Variants in LOC400499 observed in about 807,000 individuals in gnomAD.
chr16:11,396,464 C>T, the LOC400499 span: 3 of 1,231,388 alleles, frequency 2.4e-6, no homozygotes, highest in Non-Finnish European at 1.0e-6. Flanking sequence ...CGCAGGGATG[C>T]CGGGATATCT....
At chr16:11,373,386 C>T in the LOC400499 span, among the ~76,000 whole-genome samples, 1 of 152,216 alleles carries the variant, frequency 6.6e-6, no homozygotes, top group Non-Finnish European at 1.5e-5. Flanking sequence ...GCGCTATCAC[C>T]CAGGCTGGAG....
At chr16:11,378,985 C>T in the LOC400499 span, among the ~76,000 whole-genome samples, 3,225 of 152,180 alleles carry the variant, frequency 0.021, 56 homozygotes, top group Middle Eastern at 0.12. Flanking sequence ...GGTATTGGGC[C>T]GGGTGCAGTG....
chr16:11,446,658 A>G, the LOC400499 span: 2 of 1,535,400 alleles, frequency 1.3e-6, no homozygotes, highest in Admixed American at 3.9e-5. Flanking sequence ...AACCACATAC[A>G]TGTACACACG....
the LOC400499 span, among the ~76,000 whole-genome samples, chr16:11,410,344 C>T: frequency 6.6e-6 from 1 of 152,186 alleles, no homozygotes; most frequent in South Asian, 2.1e-4. Flanking sequence ...ATTCCAGCTA[C>T]TCAGGAGGCT....
chr16:11,489,772 T>G, the LOC400499 span, among the ~76,000 whole-genome samples: 326 of 152,094 alleles, frequency 2.1e-3, 3 homozygotes, highest in African/African-American at 7.7e-3. Flanking sequence ...GGCAGAGAGG[T>G]GTATCTTCCA....
the LOC400499 span, among the ~76,000 whole-genome samples, chr16:11,394,889 CTG>C: frequency 2.0e-5 from 3 of 152,196 alleles, no homozygotes; most frequent in Non-Finnish European, 4.4e-5. Flanking sequence ...GCCTCTAGAA[CTG>C]TGACACCATA....
the LOC400499 span, among the ~76,000 whole-genome samples, chr16:11,512,782 C>A: frequency 1.3e-5 from 2 of 152,258 alleles, no homozygotes; most frequent in African/African-American, 4.8e-5. Context: ...CTCAGTGGGA[C>A]ACCACTGGGT....
chr16:11,508,425 G>C, the LOC400499 span, among the ~76,000 whole-genome samples: 1 of 152,242 alleles, frequency 6.6e-6, no homozygotes, highest in African/African-American at 2.4e-5. Flanking sequence ...TGGGAGATTA[G>C]ACTGTGAGTC....
At chr16:11,466,921 TTGTGTGTG>T in the LOC400499 span, among the ~76,000 whole-genome samples, 842 of 151,204 alleles carry the variant, frequency 5.6e-3, 8 homozygotes, top group African/African-American at 0.02. Context: ...TATATGTGTA[TTGTGTGTG>T]TGTGTGTGTA....
At chr16:11,447,864 C>T in the LOC400499 span, 1 of 1,468,806 alleles carries the variant, frequency 6.8e-7, no homozygotes, top group South Asian at 1.4e-5. Flanking sequence ...CCTGTTCCCC[C>T]TGGGGATGCT....
the LOC400499 span, among the ~76,000 whole-genome samples, chr16:11,414,958 G>C: frequency 6.6e-6 from 1 of 152,180 alleles, no homozygotes; most frequent in African/African-American, 2.4e-5. Context: ...CCTGGGGTCG[G>C]GATTTCCCTT....
At chr16:11,485,103 G>A in the LOC400499 span, 2 of 398,946 alleles carry the variant, frequency 5.0e-6, no homozygotes, top group Non-Finnish European at 8.8e-6. Flanking sequence ...GCTCAGGGAG[G>A]AACAATTCAG....
chr16:11,449,258 G>A, the LOC400499 span, among the ~76,000 whole-genome samples: 1 of 152,126 alleles, frequency 6.6e-6, no homozygotes, highest in African/African-American at 2.4e-5. Flanking sequence ...CCTGACTGGT[G>A]CAGGTAGGCT....
At chr16:11,437,181 A>G in the LOC400499 span, among the ~76,000 whole-genome samples, 1 of 152,204 alleles carries the variant, frequency 6.6e-6, no homozygotes, top group Non-Finnish European at 1.5e-5. Flanking sequence ...ATGAAAAGGT[A>G]GAACCCAGAG....
At chr16:11,406,895 C>A in the LOC400499 span, among the ~76,000 whole-genome samples, 1 of 152,098 alleles carries the variant, frequency 6.6e-6, no homozygotes, top group African/African-American at 2.4e-5. Flanking sequence ...TGGCATATTT[C>A]GTTTGTGTGA....
At chr16:11,398,950 A>G in the LOC400499 span, among the ~76,000 whole-genome samples, 1 of 152,134 alleles carries the variant, frequency 6.6e-6, no homozygotes, top group African/African-American at 2.4e-5. Flanking sequence ...CGCTCGTGGC[A>G]GGATTTCTGC....
the LOC400499 span, chr16:11,441,100 A>G: frequency 2.5e-6 from 1 of 399,062 alleles, no homozygotes; most frequent in Non-Finnish European, 4.4e-6. Context: ...AACCAGGGGC[A>G]CTGAGAGAGG....
chr16:11,503,990 G>C, the LOC400499 span, among the ~76,000 whole-genome samples: 1 of 152,150 alleles, frequency 6.6e-6, no homozygotes, highest in African/African-American at 2.4e-5. Flanking sequence ...CCTTTCCCCA[G>C]CTGCCCTTGG....
At chr16:11,490,637 C>G in the LOC400499 span, among the ~76,000 whole-genome samples, 1 of 151,980 alleles carries the variant, frequency 6.6e-6, no homozygotes, top group East Asian at 1.9e-4. Flanking sequence ...GGAGGCAGAG[C>G]TTGCAGTGAG....
Sources: gnomAD v4.1 joint callset for allele counts (sites outside exome capture counted in the v4.1 genomes callset) on GRCh38, gnomAD v4.1.1 for gene constraint, MANE v1.5 for transcripts.